Variants in EPHB1 observed in about 807,000 individuals in gnomAD.
EPHB1 encodes EPH receptor B1, also known as ephrin type-B receptor 1.
Under a neutral mutation model 94.4 loss-of-function variants are expected in EPHB1, and 30 were observed. The observed-to-expected ratio is 0.32, with a 90% CI of 0.24 to 0.43. The LOEUF is 0.43. Among genes scored for constraint, EPHB1 ranks in the 20% least tolerant of loss-of-function variants. The probability of loss-of-function intolerance (pLI) is 1.00; values close to 1 mark genes in which losing one functional copy is unlikely to be tolerated. For missense variants in EPHB1, 1,055 were observed against 1,308.3 expected, an observed-to-expected ratio of 0.81 and a Z score of 2.99; for synonymous variants, 522 against 489.1, an observed-to-expected ratio of 1.07 and a Z score of -0.89.
At chr3:135,074,989 T>G (rs1318241667) in intron 3 of EPHB1, among the ~76,000 whole-genome samples, 1 of 152,164 alleles carries the variant, frequency 6.6e-6, no homozygotes, top group East Asian at 1.9e-4. Flanking sequence ...TATCATTGCC[T>G]GTGTGGTTTT....
chr3:134,876,540 G>A (rs1308160862), intron 1 of EPHB1, among the ~76,000 whole-genome samples: 2 of 152,286 alleles, frequency 1.3e-5, no homozygotes, highest in African/African-American at 2.4e-5. Flanking sequence ...TCATGCTTAG[G>A]CAGGCCCCTA....
At chr3:135,052,443 G>A (rs909953214) in intron 3 of EPHB1, among the ~76,000 whole-genome samples, 7 of 152,216 alleles carry the variant, frequency 4.6e-5, no homozygotes, top group Admixed American at 3.9e-4. Flanking sequence ...TATTTAAGAG[G>A]TGAAGTGTGG....
chr3:135,216,096 T>C (rs1019627430), intron 12 of EPHB1, among the ~76,000 whole-genome samples: 8 of 152,192 alleles, frequency 5.3e-5, no homozygotes, highest in African/African-American at 1.9e-4. Context: ...GGCTCCAGCA[T>C]CTTTTCACGG....
intron 1 of EPHB1, chr3:134,841,635 A>C (rs540492955): frequency 6.6e-6 from 1 of 152,212 alleles, no homozygotes; most frequent in South Asian, 2.1e-4. Context: ...GAGCTGACTG[A>C]AACTATGAGA....
chr3:134,882,796 T>TTCTTTCTTTCTTTCTC (rs2037778495), intron 1 of EPHB1, among the ~76,000 whole-genome samples: 1 of 75,522 alleles, frequency 1.3e-5, no homozygotes, highest in South Asian at 6.4e-4. Flanking sequence ...CTTTCTTTCT[T>TTCTTTCTTTCTTTCTC]TCTTTCTTTC....
intron 1 of EPHB1, among the ~76,000 whole-genome samples, chr3:134,910,754 T>A (rs1383251930): frequency 2.0e-5 from 3 of 152,186 alleles, no homozygotes; most frequent in Admixed American, 6.5e-5. Flanking sequence ...ACTGCATAGC[T>A]AGAGGAGGTC....
At chr3:134,976,746 A>G (rs892091556) in intron 3 of EPHB1, among the ~76,000 whole-genome samples, 44 of 152,294 alleles carry the variant, frequency 2.9e-4, no homozygotes, top group African/African-American at 7.0e-4. Flanking sequence ...TTAAAAAAAA[A>G]GGTTAGGGCT....
chr3:135,215,489 C>T (rs977554803), intron 12 of EPHB1, among the ~76,000 whole-genome samples: 1 of 152,096 alleles, frequency 6.6e-6, no homozygotes, highest in Non-Finnish European at 1.5e-5. Flanking sequence ...AGCTAACTAG[C>T]GAAAAGGATC....
chr3:135,255,648 A>G (rs1318826049), intron 15 of EPHB1, among the ~76,000 whole-genome samples: 2 of 150,668 alleles, frequency 1.3e-5, no homozygotes, highest in Non-Finnish European at 3.0e-5. Context: ...TATGTGGTCA[A>G]TTTTGGAATA....
chr3:135,211,760 A>G (rs1321578754), intron 12 of EPHB1, among the ~76,000 whole-genome samples: 2 of 152,114 alleles, frequency 1.3e-5, no homozygotes, highest in Non-Finnish European at 2.9e-5. Flanking sequence ...GCTGCTTCCA[A>G]GATTTTCTCA....
intron 1 of EPHB1, among the ~76,000 whole-genome samples, chr3:134,878,760 G>T (rs139299701): frequency 2.6e-4 from 40 of 152,264 alleles, no homozygotes; most frequent in Non-Finnish European, 4.1e-4. Context: ...TTGCCATATG[G>T]GTTTATTGTC....
chr3:134,889,483 T>C (rs946706967), intron 1 of EPHB1, among the ~76,000 whole-genome samples: 4 of 152,072 alleles, frequency 2.6e-5, no homozygotes, highest in Non-Finnish European at 4.4e-5. Context: ...CAAGTAGATA[T>C]CCCTCTGGAA....
At chr3:134,803,691 G>A (rs1211682648) in intron 1 of EPHB1, among the ~76,000 whole-genome samples, 1 of 152,190 alleles carries the variant, frequency 6.6e-6, no homozygotes, top group African/African-American at 2.4e-5. Flanking sequence ...TACAGATGAG[G>A]TAGCTGAGGC....
At chr3:135,036,828 A>G (rs1576335663) in intron 3 of EPHB1, among the ~76,000 whole-genome samples, 1 of 152,090 alleles carries the variant, frequency 6.6e-6, no homozygotes, top group Non-Finnish European at 1.5e-5. Context: ...GTAGCACTGG[A>G]CTGATGTGAC....
intron 12 of EPHB1, among the ~76,000 whole-genome samples, chr3:135,203,705 C>T (rs1226813278): frequency 1.3e-5 from 2 of 152,148 alleles, no homozygotes; most frequent in African/African-American, 4.8e-5. Flanking sequence ...TTAGGTGTGC[C>T]TTCTTTGACA....
At chr3:134,831,801 T>C (rs911719183) in intron 1 of EPHB1, among the ~76,000 whole-genome samples, 1 of 152,250 alleles carries the variant, frequency 6.6e-6, no homozygotes, top group Non-Finnish European at 1.5e-5. Context: ...TGAGATTTTC[T>C]GATTTCTCAA....
At position 134,866,432 on chromosome 3, in the gene EPHB1, T is replaced by G. The variant is rs529079184; in HGVS notation, c.59-59384T>G. Among the ~76,000 whole-genome samples, 4 of 152,296 alleles carry G rather than the reference T, an allele frequency of 2.6e-5. No homozygotes were observed. In the South Asian group the frequency reaches 8.3e-4, roughly 32 times the overall value. On this transcript the variant is annotated intron_variant, in intron 1 of 15. Coordinates refer to ENST00000398015, the MANE Select transcript of EPHB1 (RefSeq NM_004441.5). ...ACTCCAGAAAGCTGCCCAAAGGCCA[T>G]GCCCACTTCTGTCATGCCCAGTACC...
intron 3 of EPHB1, among the ~76,000 whole-genome samples, chr3:135,097,021 T>G (rs1938809131): frequency 6.9e-6 from 1 of 144,396 alleles, no homozygotes; most frequent in Middle Eastern, 3.8e-3. Context: ...GCTTGAACCC[T>G]GGAGGTGGAG....
chr3:135,130,843 CAG>C (rs934599191), intron 4 of EPHB1, among the ~76,000 whole-genome samples: 1 of 152,174 alleles, frequency 6.6e-6, no homozygotes, highest in Non-Finnish European at 1.5e-5. Context: ...AGATGAGAAA[CAG>C]GGGCCCGCGG....
Sources: gnomAD v4.1 joint callset for allele counts (sites outside exome capture counted in the v4.1 genomes callset) on GRCh38, gnomAD v4.1.1 for gene constraint, MANE v1.5 for transcripts, NCBI Gene and HGNC (gene_info 2026-07-23, HGNC 2026-07-21) for gene names.